Variants in SSBP3 observed in about 807,000 individuals in gnomAD.
SSBP3 encodes single stranded DNA binding protein 3.
A neutral mutation model predicts 69.6 loss-of-function variants in SSBP3; 5 were observed. That is an observed-to-expected ratio of 0.07 (90% CI 0.04 to 0.15). SSBP3 has a LOEUF of 0.15. Ranked by LOEUF, SSBP3 falls within the 10% of genes least tolerant of loss-of-function variation. The probability of loss-of-function intolerance (pLI) is 1.00; values close to 1 mark genes in which losing one functional copy is unlikely to be tolerated. For missense variants in SSBP3, 312 were observed against 534.0 expected, an observed-to-expected ratio of 0.58 and a Z score of 4.10; for synonymous variants, 196 against 193.4, an observed-to-expected ratio of 1.01 and a Z score of -0.11.
chr1:54,406,141 C>G, exon 1 of SSBP3: 1 of 622,752 alleles, frequency 1.6e-6, no homozygotes, highest in Non-Finnish European at 2.5e-6. Flanking sequence ...CGCTGGCGCT[C>G]TCCTCGCCGC....
intron 4 of SSBP3, among the ~76,000 whole-genome samples, chr1:54,330,723 A>G (rs1646394760): frequency 6.6e-6 from 1 of 152,202 alleles, no homozygotes; most frequent in Admixed American, 6.5e-5. Context: ...AATCCCTTTC[A>G]GAGCCTAACT....
intron 4 of SSBP3, among the ~76,000 whole-genome samples, chr1:54,401,150 G>C (rs996222509): frequency 2.6e-5 from 4 of 152,182 alleles, no homozygotes; most frequent in Non-Finnish European, 4.4e-5. Flanking sequence ...TGTTTTTCCT[G>C]AAGGGGACTG....
chr1:54,333,468 C>A (rs957079992), intron 4 of SSBP3, among the ~76,000 whole-genome samples: 2 of 152,188 alleles, frequency 1.3e-5, no homozygotes, highest in Non-Finnish European at 2.9e-5. Flanking sequence ...GGCTGCATGG[C>A]CTGGTAATTA....
intron 4 of SSBP3, among the ~76,000 whole-genome samples, chr1:54,316,647 C>CAAAA (rs1199647407): frequency 5.9e-5 from 2 of 34,064 alleles, no homozygotes; most frequent in South Asian, 1.5e-3. Context: ...GACTCCGTCT[C>CAAAA]AAAAAAAAAA....
intron 4 of SSBP3, among the ~76,000 whole-genome samples, chr1:54,345,161 C>A (rs780331521): frequency 7.9e-5 from 12 of 152,318 alleles, no homozygotes; most frequent in Non-Finnish European, 1.2e-4. Context: ...GTTCTCTCTG[C>A]TCGGATGGGA....
At chr1:54,227,737 C>T (rs952581435) in intron 17 of SSBP3, among the ~76,000 whole-genome samples, 1 of 152,126 alleles carries the variant, frequency 6.6e-6, no homozygotes. Context: ...GACACTACAC[C>T]CGGCTAATTT....
chr1:54,389,305 C>G (rs1013264778), intron 4 of SSBP3, among the ~76,000 whole-genome samples: 3 of 152,116 alleles, frequency 2.0e-5, no homozygotes, highest in Non-Finnish European at 2.9e-5. Flanking sequence ...TAAAAGGGAG[C>G]CTTTTGAGTG....
intron 4 of SSBP3, among the ~76,000 whole-genome samples, chr1:54,288,617 A>T (rs576160690): frequency 7.9e-5 from 12 of 151,944 alleles, no homozygotes; most frequent in African/African-American, 2.9e-4. Context: ...TTATTCCCCA[A>T]CATCGCTGGG....
intron 9 of SSBP3, among the ~76,000 whole-genome samples, chr1:54,247,091 A>G (rs1334356434): frequency 1.3e-5 from 2 of 152,222 alleles, no homozygotes; most frequent in African/African-American, 4.8e-5. Context: ...CCACTGTCTC[A>G]GCTTTGCACT....
chr1:54,336,480 G>C lies in SSBP3; in HGVS notation c.277-54953C>G, dbSNP rs142417108. On this transcript the variant is annotated intron_variant, in intron 4 of 17. Coordinates refer to ENST00000610401, the Ensembl canonical transcript of SSBP3. ...TGGCTCCCATGCACACGCAGGTGGGGAGGGGAGAGCCAGCACTGTCCAGAG... is the reference window on the plus strand; with the variant it reads ...TGGCTCCCATGCACACGCAGGTGGGCAGGGGAGAGCCAGCACTGTCCAGAG... Among the ~76,000 whole-genome samples the C allele has an allele frequency of 1.7e-3, 257 of 152,220 alleles. 1 individual carries two copies. Among genetic ancestry groups the C allele is most frequent in the African/African-American group, 5.8e-3 (243 of 41,544 alleles).
intron 4 of SSBP3, among the ~76,000 whole-genome samples, chr1:54,329,986 T>C (rs17110430): frequency 0.22 from 33,547 of 152,052 alleles, 6,682 homozygotes; most frequent in African/African-American, 0.52. Flanking sequence ...TCCCAGACTT[T>C]GCACGTTCAC....
At chr1:54,411,478 G>GA (rs71066916) in intron 1 of SSBP3, among the ~76,000 whole-genome samples, 64,476 of 137,558 alleles carry the variant, frequency 0.47, 15,976 homozygotes, top group South Asian at 0.58. Context: ...ACTCTGTCTT[G>GA]AAAAAAAAAA....
chr1:54,374,402 G>A (rs979033214), intron 4 of SSBP3, among the ~76,000 whole-genome samples: 1 of 152,184 alleles, frequency 6.6e-6, no homozygotes, highest in African/African-American at 2.4e-5. Context: ...TCTTCAGTAA[G>A]CCCCAAAAGG....
intron 14 of SSBP3, chr1:54,236,563 A>G (rs1265271065): frequency 2.0e-5 from 3 of 152,238 alleles, no homozygotes; most frequent in Non-Finnish European, 2.9e-5. Context: ...GCGTAAGCCA[A>G]CGTGCCTGGC....
At chr1:54,407,604 T>C (rs1016723047), upstream of SSBP3, among the ~76,000 whole-genome samples, 4 of 152,134 alleles carry the variant, frequency 2.6e-5, no homozygotes, top group Non-Finnish European at 5.9e-5. Context: ...AGACTGTTTT[T>C]AGAGAGCGGA....
chr1:54,259,344 C>A (rs1644977917), intron 5 of SSBP3, among the ~76,000 whole-genome samples: 1 of 152,016 alleles, frequency 6.6e-6, no homozygotes, highest in South Asian at 2.1e-4. Context: ...CTTTCATGAA[C>A]CCCGGTTTTG....
intron 4 of SSBP3, among the ~76,000 whole-genome samples, chr1:54,326,012 C>T (rs1311843671): frequency 2.0e-5 from 3 of 151,494 alleles, no homozygotes; most frequent in Non-Finnish European, 4.4e-5. Flanking sequence ...TAGTGAGCAC[C>T]GGCCAGAGGC....
intron 4 of SSBP3, among the ~76,000 whole-genome samples, chr1:54,327,389 G>T (rs1349678560): frequency 6.6e-6 from 1 of 152,102 alleles, no homozygotes; most frequent in African/African-American, 2.4e-5. Flanking sequence ...GATCTGCTAA[G>T]CCCCGGGAAA....
intron 4 of SSBP3, chr1:54,356,458 A>C (rs1646867836): frequency 6.6e-6 from 1 of 152,210 alleles, no homozygotes; most frequent in African/African-American, 2.4e-5. Context: ...GATGGGAATA[A>C]ACAATGGCAA....
Sources: allele counts gnomAD v4.1 joint callset (sites outside exome capture counted in the v4.1 genomes callset), GRCh38; gene constraint gnomAD v4.1.1; transcripts MANE v1.5; gene names NCBI Gene and HGNC (gene_info 2026-07-23, HGNC 2026-07-21).